The following TMCC1 variants were observed in gnomAD, a reference collection of about 807,000 sequenced individuals.
TMCC1 encodes the protein transmembrane and coiled-coil domain family 1, also known as transmembrane and coiled-coil domains protein 1.
Under a neutral mutation model 52.4 loss-of-function variants are expected in TMCC1, and 15 were observed. The ratio of observed to expected loss-of-function variants is 0.29; its 90% confidence interval spans 0.19 to 0.44. The LOEUF is 0.44. Among genes scored for constraint, TMCC1 ranks in the 20% least tolerant of loss-of-function variants. TMCC1 has a pLI of 1.00. For missense variants in TMCC1, 503 were observed against 806.0 expected, an observed-to-expected ratio of 0.62 and a Z score of 4.55; for synonymous variants, 279 against 301.9, an observed-to-expected ratio of 0.92 and a Z score of 0.79.
intron 2 of TMCC1, among the ~76,000 whole-genome samples, chr3:129,835,973 A>AT (rs77170708): frequency 2.0e-5 from 3 of 152,216 alleles, no homozygotes; most frequent in African/African-American, 4.8e-5. Flanking sequence ...ACAAAAATCA[A>AT]TTTTTAAAAA....
Position 129,671,040 on chromosome 3 carries a change from G to C in TMCC1, c.801C>G (p.Asn267Lys). ...GGGCAGCCTGCTGTTTGTCTGCACT[G>C]TTGGCAAGCTTCAAGTATTCAGCAA... The part of the protein sequence containing the change: ...DNVAEYLKLA[N>K]SADKQQAARI... Residue 267 changes from asparagine (N) to lysine (K), a missense_variant, in exon 5 of 7, where the codon AAC (asparagine) becomes AAG (lysine). Coordinates refer to ENST00000393238, the MANE Select transcript of TMCC1 (RefSeq NM_001017395.5). The C allele has an allele frequency of 1.9e-6, 3 of 1,614,186 alleles. No homozygotes were observed. Among genetic ancestry groups the C allele is most frequent in the Non-Finnish European group, 2.5e-6 (3 of 1,180,038 alleles).
chr3:129,768,476 G>A (rs1263734188), intron 4 of TMCC1, among the ~76,000 whole-genome samples: 1 of 152,084 alleles, frequency 6.6e-6, no homozygotes, highest in Non-Finnish European at 1.5e-5. Context: ...AAGGTATCCT[G>A]TTTTCATTTA....
chr3:129,852,182 T>C (rs2059943114), intron 2 of TMCC1, among the ~76,000 whole-genome samples: 1 of 151,624 alleles, frequency 6.6e-6, no homozygotes, highest in African/African-American at 2.4e-5. Flanking sequence ...GGTGACCAGG[T>C]GCAGTGGCTC....
rs551815106 is a variant in TMCC1 at position 129,678,204 on chromosome 3, G to A, written c.577-6940C>T. ...CAAAGTGCTGGGATTACAGGCATGA[G>A]CCACCACGCCTGGCCAATTCTTTTT... On this transcript the variant is annotated intron_variant, in intron 4 of 6. Coordinates refer to ENST00000393238, the MANE Select transcript of TMCC1 (RefSeq NM_001017395.5). 7.9e-5 allele frequency among the ~76,000 whole-genome samples: 12 copies of A among 151,872 alleles called. No individual in the cohort carries two copies. In the South Asian group the frequency reaches 1.9e-3, roughly 24 times the overall value.
chr3:129,696,560 T>C (rs2047428535), intron 4 of TMCC1, among the ~76,000 whole-genome samples: 1 of 152,214 alleles, frequency 6.6e-6, no homozygotes, highest in African/African-American at 2.4e-5. Context: ...ATGACTCTTT[T>C]TGTTGACACC....
intron 4 of TMCC1, among the ~76,000 whole-genome samples, chr3:129,771,774 CAAAAAAAAAAA>C (rs755523077): frequency 0.17 from 12,989 of 75,870 alleles, 2,154 homozygotes; most frequent in African/African-American, 0.48. Flanking sequence ...GACACTGTCT[CAAAAAAAAAAA>C]AAAAAAAAAA....
chr3:129,819,779 G>A (rs953520412), intron 4 of TMCC1: 2 of 152,014 alleles, frequency 1.3e-5, no homozygotes, highest in African/African-American at 4.8e-5. Flanking sequence ...ATAACCCGGG[G>A]CTTGCTTCAG....
At chr3:129,720,453 T>C (rs956584806) in intron 4 of TMCC1, among the ~76,000 whole-genome samples, 85 of 152,268 alleles carry the variant, frequency 5.6e-4, no homozygotes, top group African/African-American at 2.0e-3. Flanking sequence ...TCCTTGTAGG[T>C]TGTCTACGTG....
intron 4 of TMCC1, among the ~76,000 whole-genome samples, chr3:129,675,413 G>T (rs572846780): frequency 6.6e-6 from 1 of 152,324 alleles, no homozygotes; most frequent in East Asian, 1.9e-4. Flanking sequence ...TTCATCAACT[G>T]TACTAATGCT....
intron 3 of TMCC1, among the ~76,000 whole-genome samples, chr3:129,829,097 T>C (rs2058787638): frequency 6.6e-6 from 1 of 152,194 alleles, no homozygotes; most frequent in African/African-American, 2.4e-5. Flanking sequence ...GAGAAGAGAA[T>C]GGAAATAAAA....
intron 2 of TMCC1, among the ~76,000 whole-genome samples, chr3:129,872,895 T>C (rs891310837): frequency 2.0e-5 from 3 of 152,090 alleles, no homozygotes; most frequent in Admixed American, 6.6e-5. Flanking sequence ...CCTAATGATA[T>C]ATATTTTGTC....
intron 4 of TMCC1, among the ~76,000 whole-genome samples, chr3:129,773,396 TA>T (rs1397425169): frequency 5.9e-5 from 9 of 152,040 alleles, no homozygotes; most frequent in Non-Finnish European, 7.4e-5. Flanking sequence ...AAAGCAAAGC[TA>T]GGGGGAAAAA....
chr3:129,766,241 C>A (rs1251210516), intron 4 of TMCC1, among the ~76,000 whole-genome samples: 1 of 152,106 alleles, frequency 6.6e-6, no homozygotes, highest in Non-Finnish European at 1.5e-5. Flanking sequence ...GTTTAGTAGG[C>A]CTGAGAGAAG....
intron 2 of TMCC1, among the ~76,000 whole-genome samples, chr3:129,868,476 T>C (rs1449188974): frequency 2.6e-5 from 4 of 152,238 alleles, no homozygotes; most frequent in Non-Finnish European, 5.9e-5. Context: ...TCTTGCTCTG[T>C]TGCCCAGGCT....
intron 2 of TMCC1, among the ~76,000 whole-genome samples, chr3:129,845,823 T>C (rs984539665): frequency 6.6e-6 from 1 of 151,928 alleles, no homozygotes; most frequent in Admixed American, 6.6e-5. Flanking sequence ...TAGAAAAATA[T>C]CATGTCGAGA....
intron 4 of TMCC1, among the ~76,000 whole-genome samples, chr3:129,789,749 G>T (rs2056325350): frequency 6.6e-6 from 1 of 152,004 alleles, no homozygotes; most frequent in South Asian, 2.1e-4. Context: ...CAAAGTGCTG[G>T]GATTACAGGC....
chr3:129,867,903 G>A (rs58913470), intron 2 of TMCC1, among the ~76,000 whole-genome samples: 2,360 of 152,306 alleles, frequency 0.015, 47 homozygotes, highest in African/African-American at 0.055. Context: ...CGCTAGAACA[G>A]AGGCTTCTAA....
chr3:129,842,452 C>T (rs2670894), intron 2 of TMCC1, among the ~76,000 whole-genome samples: 95,683 of 150,012 alleles, frequency 0.64, 35,419 homozygotes, highest in Non-Finnish European at 0.83. Flanking sequence ...GGTGATACAG[C>T]GAGACTTTGT....
At chr3:129,883,839 CTATTT>C (rs143167113) in intron 1 of TMCC1, among the ~76,000 whole-genome samples, 13,456 of 150,936 alleles carry the variant, frequency 0.089, 1,946 homozygotes, top group African/African-American at 0.31. Flanking sequence ...AACCTCGCGT[CTATTT>C]TATTTTATTT....
Sources: gnomAD v4.1 joint callset for allele counts (sites outside exome capture counted in the v4.1 genomes callset) on GRCh38, gnomAD v4.1.1 for gene constraint, MANE v1.5 for transcripts, NCBI Gene and HGNC (gene_info 2026-07-23, HGNC 2026-07-21) for gene names.